The following SLCO3A1 variants were observed in gnomAD, a reference collection of about 807,000 sequenced individuals.
The protein encoded by SLCO3A1 is PGE1 transporter.
In SLCO3A1, 27 loss-of-function variants were observed where a neutral mutation model predicts 63.1. That is an observed-to-expected ratio of 0.43 (90% confidence interval 0.32 to 0.59). The LOEUF (loss-of-function observed/expected upper bound fraction) is 0.59. Ranked by LOEUF, SLCO3A1 falls within the 20% of genes least tolerant of loss-of-function variation. The probability of loss-of-function intolerance (pLI) is 0.09; values close to 1 mark genes in which losing one functional copy is unlikely to be tolerated. For missense variants in SLCO3A1, 773 were observed against 945.8 expected (o/e 0.82, Z 2.40); for synonymous variants, 473 against 409.9 (o/e 1.15, Z -1.86).
rs1897636844 is a variant in SLCO3A1 at position 91,883,138 on chromosome 15, T to A, written c.180+29050T>A. ...CTGTCAGCTCCTCTTAATCTCCATGTTACTCAGATGCTTTGAGGCTGGTGG... is the reference window on the plus strand; with the variant it reads ...CTGTCAGCTCCTCTTAATCTCCATGATACTCAGATGCTTTGAGGCTGGTGG... On this transcript the variant is annotated intron_variant, in intron 1 of 9. Coordinates refer to ENST00000318445, the MANE Select transcript of SLCO3A1 (RefSeq NM_013272.4). This position sits in a 1 kb window ranked among gnomAD's most constrained non-coding sequence, Gnocchi z 4.8. Among the ~76,000 whole-genome samples, 1 of 152,236 alleles carries A rather than the reference T, an allele frequency of 6.6e-6. No homozygotes were observed. Among genetic ancestry groups the A allele is most frequent in the Non-Finnish European group, 1.5e-5 (1 of 68,040 alleles).
chr15:92,101,932 G>A (rs950862445), intron 3 of SLCO3A1, among the ~76,000 whole-genome samples: 1 of 152,072 alleles, frequency 6.6e-6, no homozygotes, highest in Non-Finnish European at 1.5e-5. Context: ...AAGTTGACAC[G>A]TTCACACAAA....
intron 3 of SLCO3A1, 49 bp downstream of exon 3, chr15:92,095,028 C>T: frequency 7.7e-7 from 1 of 1,296,922 alleles, no homozygotes; most frequent in Non-Finnish European, 1.1e-6. Context: ...GCGTTTCCTC[C>T]CTCATAAATG....
At chr15:92,105,507 C>T (rs181642453) in intron 4 of SLCO3A1, among the ~76,000 whole-genome samples, 1 of 152,188 alleles carries the variant, frequency 6.6e-6, no homozygotes, top group East Asian at 1.9e-4. Flanking sequence ...GAGTGAGAAC[C>T]CCCCTCCACC....
chr15:92,133,150 C>G lies in SLCO3A1; in HGVS notation c.1512+4661C>G, dbSNP rs777107299. Among the ~76,000 whole-genome samples, 8 of 146,118 alleles carry G rather than the reference C, an allele frequency of 5.5e-5. 1 individual carries two copies. Among genetic ancestry groups the G allele is most frequent in the Middle Eastern group, 6.9e-3 (2 of 290 alleles). Reference sequence around the variant, plus strand: ...CCCACCAGATGCCACCCCTGCCCTCCCCAGCCACAAGTTCCGACAACTGTA... The same window carrying G: ...CCCACCAGATGCCACCCCTGCCCTCGCCAGCCACAAGTTCCGACAACTGTA... On this transcript the variant is annotated intron_variant, in intron 7 of 9. Transcript: ENST00000318445.
At chr15:92,078,852 C>T (rs1006464453) in intron 2 of SLCO3A1, among the ~76,000 whole-genome samples, 4 of 152,158 alleles carry the variant, frequency 2.6e-5, no homozygotes, top group African/African-American at 4.8e-5. Flanking sequence ...GCATCAGCAC[C>T]GTCATCCTCA....
chr15:91,876,841 T>C (rs1172248126), intron 1 of SLCO3A1, among the ~76,000 whole-genome samples: 2 of 152,212 alleles, frequency 1.3e-5, no homozygotes, highest in African/African-American at 4.8e-5. Context: ...TGGCCTATGG[T>C]AGAGGGACTG....
intron 7 of SLCO3A1, among the ~76,000 whole-genome samples, chr15:92,135,184 G>A (rs751635311): frequency 8.5e-5 from 13 of 152,164 alleles, no homozygotes; most frequent in Admixed American, 2.6e-4. Flanking sequence ...GAGAGATGGA[G>A]GGGCCCTGTG....
chr15:92,165,465 C>A lies in SLCO3A1; in HGVS notation c.*2330C>A, dbSNP rs956989099. 2.0e-6 allele frequency: 2 copies of A among 981,456 alleles called. No individual in the cohort carries two copies. The highest frequency in any genetic ancestry group is 2.4e-6 in the Non-Finnish European group (2 of 826,630). 60.8% of individuals were successfully genotyped at this position (981,456 alleles called of 1,614,324 possible). ...AAACTCAGTACACACACACTGAGGC[C>A]CTTTGACCTAGTGTTTTATGGAACT... On this transcript the variant is annotated 3_prime_UTR_variant, in exon 10 of 10. Coordinates refer to ENST00000318445, the MANE Select transcript of SLCO3A1 (RefSeq NM_013272.4).
At chr15:92,069,875 C>CA (rs1361497083) in intron 2 of SLCO3A1, among the ~76,000 whole-genome samples, 1 of 151,998 alleles carries the variant, frequency 6.6e-6, no homozygotes, top group Non-Finnish European at 1.5e-5. Context: ...CCTCTCCCCA[C>CA]AAAAGATTAA....
At chr15:92,109,036 A>G (rs1356126958) in intron 4 of SLCO3A1, among the ~76,000 whole-genome samples, 1 of 152,192 alleles carries the variant, frequency 6.6e-6, no homozygotes, top group Non-Finnish European at 1.5e-5. Context: ...AGTGCATAGC[A>G]TGTAGGTGAT....
At chr15:92,157,615 C>T (rs556380774) in intron 9 of SLCO3A1, among the ~76,000 whole-genome samples, 241 of 152,108 alleles carry the variant, frequency 1.6e-3, no homozygotes, top group African/African-American at 3.7e-3. Context: ...CTCAGCCTCC[C>T]GGGTACATGT....
At chr15:91,960,174 G>A (rs1240362633) in intron 2 of SLCO3A1, among the ~76,000 whole-genome samples, 3 of 152,090 alleles carry the variant, frequency 2.0e-5, no homozygotes, top group African/African-American at 4.8e-5. Flanking sequence ...TAGTAGAGAC[G>A]GAGTTTCACG....
intron 2 of SLCO3A1, among the ~76,000 whole-genome samples, chr15:92,023,671 G>A (rs1401746343): frequency 6.6e-6 from 1 of 152,088 alleles, no homozygotes; most frequent in African/African-American, 2.4e-5. Flanking sequence ...ATTTCACTTT[G>A]TTGCCCAGGC....
chr15:92,130,824 G>A (rs1457966076), intron 7 of SLCO3A1, among the ~76,000 whole-genome samples: 2 of 141,896 alleles, frequency 1.4e-5, no homozygotes, highest in East Asian at 2.4e-4. Context: ...TATATTCCTG[G>A]TATGTGTACT....
intron 4 of SLCO3A1, among the ~76,000 whole-genome samples, chr15:92,105,714 A>G (rs949426850): frequency 1.3e-5 from 2 of 152,202 alleles, no homozygotes; most frequent in African/African-American, 4.8e-5. Flanking sequence ...GAGTGGGCTC[A>G]TGCAGCCAGG....
intron 1 of SLCO3A1, among the ~76,000 whole-genome samples, chr15:91,907,097 T>C (rs974899640): frequency 2.6e-5 from 4 of 152,062 alleles, no homozygotes; most frequent in Admixed American, 2.0e-4. Context: ...AACTAAGAAA[T>C]GGAGTATAGA....
intron 2 of SLCO3A1, among the ~76,000 whole-genome samples, chr15:92,040,371 G>C (rs1419152037): frequency 6.6e-6 from 1 of 152,160 alleles, no homozygotes; most frequent in Non-Finnish European, 1.5e-5. Context: ...GAATGTTTCA[G>C]GTTCCATTCA....
chr15:92,030,404 T>TG (rs775634878), intron 2 of SLCO3A1, among the ~76,000 whole-genome samples: 3 of 152,106 alleles, frequency 2.0e-5, no homozygotes, highest in Non-Finnish European at 4.4e-5. Context: ...GGAAGGATGG[T>TG]GGTGGTGGGC....
Position 92,147,008 on chromosome 15 carries a change from A to G in SLCO3A1, c.1537A>G (p.Thr513Ala), listed in dbSNP as rs781651048. The G allele has an allele frequency of 6.2e-7, 1 of 1,613,562 alleles. No homozygotes were observed. The highest frequency in any genetic ancestry group is 8.5e-7 in the Non-Finnish European group (1 of 1,179,828). Residue 513 changes from threonine to alanine, a missense_variant, in exon 8 of 10, where the codon ACC becomes GCC. Transcript: ENST00000318445. ...STNLTGCACL[T>A]TVPAENATVV... ...GAATCTCACGGGCTGTGCGTGCCTC[A>G]CCACCGTCCCTGCTGAGAACGCAAC... is the stretch of plus-strand genomic sequence containing the variant.
Sources: allele counts gnomAD v4.1 joint callset (sites outside exome capture counted in the v4.1 genomes callset), GRCh38; gene constraint gnomAD v4.1.1; non-coding constraint Gnocchi (gnomAD v3.1); transcripts MANE v1.5; gene names NCBI Gene and HGNC (gene_info 2026-07-23, HGNC 2026-07-21).